The following AP1G1 variants were observed in gnomAD, a reference collection of about 807,000 sequenced individuals.
AP1G1 encodes the protein adaptor related protein complex 1 subunit gamma 1.
In AP1G1, 7 loss-of-function variants were observed where a neutral mutation model predicts 108.3. That is an observed-to-expected ratio of 0.06 (90% confidence interval 0.04 to 0.12). The LOEUF (loss-of-function observed/expected upper bound fraction) is 0.12, where lower values mean the gene tolerates loss of function less well. Among genes scored for constraint, AP1G1 ranks in the 10% least tolerant of loss-of-function variants. The pLI is 1.00. For synonymous variants in AP1G1, 379 were observed against 353.5 expected (o/e 1.07, Z -0.81); for missense variants, 756 against 1,010.7 (o/e 0.75, Z 3.42).
At chr16:71,796,908 G>A (rs373282067) in intron 1 of AP1G1, among the ~76,000 whole-genome samples, 17 of 152,074 alleles carry the variant, frequency 1.1e-4, no homozygotes, top group Admixed American at 9.2e-4. Flanking sequence ...AGTGGCTCAG[G>A]CCTGTAATCC....
At chr16:71,791,900 T>C (rs931009079) in intron 1 of AP1G1, among the ~76,000 whole-genome samples, 1 of 151,864 alleles carries the variant, frequency 6.6e-6, no homozygotes, top group African/African-American at 2.4e-5. Context: ...TAGGTGGTAT[T>C]ACAGGCATGC....
At chr16:71,765,739 T>G (rs1466921315) in intron 6 of AP1G1, 155 bp from the exon 7 acceptor site, 1 of 610,120 alleles carries the variant, frequency 1.6e-6, no homozygotes, top group Non-Finnish European at 3.0e-6. Flanking sequence ...TTTGATAAAC[T>G]TAGGAGTAAC....
Position 71,771,267 on chromosome 16 carries a change from A to G in AP1G1, c.469-15T>C, listed in dbSNP as rs1251870349. ...CACAGTGCTGCCTATGAAAAAAAAAATAAAAGAACAAAAGGTTTATTTCAA... is the reference window on the plus strand; with the variant it reads ...CACAGTGCTGCCTATGAAAAAAAAAGTAAAAGAACAAAAGGTTTATTTCAA... On this transcript the variant is annotated splice_polypyrimidine_tract_variant and intron_variant, in intron 4 of 22. Coordinates refer to ENST00000299980, the MANE Select transcript of AP1G1 (RefSeq NM_001128.6). 56 of 1,469,230 alleles carry G rather than the reference A, an allele frequency of 3.8e-5. No individual in the cohort carries two copies. Among genetic ancestry groups the G allele is most frequent in the Non-Finnish European group, 5.0e-5 (55 of 1,093,558 alleles). 91.0% of individuals were successfully genotyped at this position (1,469,230 alleles called of 1,614,324 possible).
At chr16:71,745,769 A>G (rs2030140784) in intron 17 of AP1G1, among the ~76,000 whole-genome samples, 155 bp from the exon 18 acceptor site, 1 of 152,240 alleles carries the variant, frequency 6.6e-6, no homozygotes, top group Non-Finnish European at 1.5e-5. Context: ...ACAAGAATAC[A>G]TGACCTAAAT....
chr16:71,804,964 T>C (rs190178602), intron 1 of AP1G1, among the ~76,000 whole-genome samples: 10 of 152,130 alleles, frequency 6.6e-5, no homozygotes, highest in African/African-American at 2.2e-4. Flanking sequence ...TGAGCTGAGA[T>C]TGCACCACTG....
intron 22 of AP1G1, 54 bp downstream of exon 22, chr16:71,734,555 C>T (rs917491633): frequency 3.0e-5 from 42 of 1,404,264 alleles, no homozygotes; most frequent in Non-Finnish European, 4.0e-5. Flanking sequence ...AATTTTATTT[C>T]GGGAAATATG....
chr16:71,785,575 C>CAAAAAA (rs71389702), intron 2 of AP1G1, among the ~76,000 whole-genome samples: 2 of 73,130 alleles, frequency 2.7e-5, no homozygotes, highest in Non-Finnish European at 5.1e-5. Context: ...AACCCTGCCT[C>CAAAAAA]AAAAAAAAAA....
intron 2 of AP1G1, among the ~76,000 whole-genome samples, chr16:71,778,910 C>T (rs2145501090): frequency 6.6e-6 from 1 of 152,200 alleles, no homozygotes; most frequent in South Asian, 2.1e-4. Flanking sequence ...CATGCATCTG[C>T]CCCTTAGGTA....
At chr16:71,742,117 C>T (rs1416447004) in intron 19 of AP1G1, among the ~76,000 whole-genome samples, 1 of 151,762 alleles carries the variant, frequency 6.6e-6, no homozygotes, top group Admixed American at 6.6e-5. Context: ...GCAAGAAAAC[C>T]CAGACTTTTT....
In AP1G1 at chr16:71,753,853, T is replaced by C. The variant is rs759730332; in HGVS notation, c.1264A>G (p.Ile422Val). The C allele has an allele frequency of 2.3e-5, 37 of 1,613,996 alleles. No individual in the cohort carries two copies. The South Asian group carries it at 3.7e-4, about 16-fold the overall frequency. ...APSKRWHIDT[I>V]MRVLTTAGSY... ...CTTACCGTTGTCAAAACACGCATAA[T>C]TGTGTCTATATGCCATCGTTTGGAA... The change falls in exon 13 of 23, where the codon ATT (isoleucine) becomes GTT (valine). Residue 422 changes from isoleucine (I) to valine (V), a missense_variant. This residue lies in a region of AP1G1 where 357 missense variants were observed against 366.5 expected (regional missense o/e 0.97). Transcript: ENST00000299980.
chr16:71,771,178 A>T lies in AP1G1; in HGVS notation c.543T>A (p.Asn181Lys). 3.1e-6 allele frequency: 5 copies of T among 1,607,954 alleles called. No homozygotes were observed. The highest frequency in any genetic ancestry group is 4.3e-6 in the Non-Finnish European group (5 of 1,176,044). Residue 181 changes from asparagine (N) to lysine (K), a missense_variant, in exon 5 of 23, where the codon AAT (asparagine) becomes AAA (lysine). By Grantham distance (94) the Asn-to-Lys change is moderately conservative. Coordinates refer to ENST00000299980, the MANE Select transcript of AP1G1 (RefSeq NM_001128.6). ...LMEMFLPATKNLLNEKNHGVL... is the reference protein window; with the variant it reads ...LMEMFLPATKKLLNEKNHGVL... ...TACCATGGTTCTTCTCATTCAATAA[A>T]TTTTTTGTTGCTGGTAAAAACATCT...
intron 12 of AP1G1, 66 bp downstream of exon 12, chr16:71,755,953 T>G: frequency 6.5e-7 from 1 of 1,536,486 alleles, no homozygotes; most frequent in Non-Finnish European, 8.8e-7. Context: ...CCCCTCCCCA[T>G]GTTTTAAAGA....
chr16:71,794,836 T>C lies in AP1G1; in HGVS notation c.-3-5354A>G, dbSNP rs557740249. The stretch of plus-strand genomic sequence containing the variant: ...ACCATTCTCAGGCCATGAGAAGTGC[T>C]TTTTTTTTTTTTTTTTTTTTTTTTT... On this transcript the variant is annotated intron_variant, in intron 1 of 22. Transcript: ENST00000299980. Among the ~76,000 whole-genome samples, 22 of 39,218 alleles carry C rather than the reference T, an allele frequency of 5.6e-4. 1 individual carries two copies. The South Asian group carries it at 7.4e-3, about 13-fold the overall frequency. The allele number at this position is 39,218 out of a possible 152,430, so 25.7% of individuals were successfully genotyped here. A position where few individuals can be genotyped will look rare whatever the true frequency, so the allele number is the denominator to read the frequency against.
intron 19 of AP1G1, among the ~76,000 whole-genome samples, chr16:71,744,214 A>G (rs2030038327): frequency 6.6e-6 from 1 of 152,238 alleles, no homozygotes; most frequent in African/African-American, 2.4e-5. Context: ...ACTGCACTCC[A>G]GCCTGTGCAA....
chr16:71,736,752 A>ATT lies in AP1G1; in HGVS notation c.2269-2047_2269-2046dup, dbSNP rs10590605. Among the ~76,000 whole-genome samples, 5 of 123,916 alleles carry ATT rather than the reference A, an allele frequency of 4.0e-5. 1 individual carries two copies. Among genetic ancestry groups the ATT allele is most frequent in the East Asian group, 2.3e-4 (1 of 4,270 alleles). The allele number at this position is 123,916 out of a possible 152,430, so 81.3% of individuals were successfully genotyped here. A position where few individuals can be genotyped will look rare whatever the true frequency, so the allele number is the denominator to read the frequency against. Reference sequence around the variant, plus strand: ...AGGCGCCCGCCACCACGCCCGGCTAATTTTTTTTTTTTTTTTTTTTTTAGT... The same window carrying ATT: ...AGGCGCCCGCCACCACGCCCGGCTAATTTTTTTTTTTTTTTTTTTTTTTTAGT... On this transcript the variant is annotated intron_variant, in intron 21 of 22. Transcript: ENST00000299980.
At chr16:71,779,260 C>T (rs1039634161) in intron 2 of AP1G1, among the ~76,000 whole-genome samples, 2 of 151,000 alleles carry the variant, frequency 1.3e-5, no homozygotes, top group African/African-American at 4.9e-5. Context: ...CCCCACCCCA[C>T]CCCCGCCAAT....
At chr16:71,757,293 A>C (rs1198648207) in intron 11 of AP1G1, among the ~76,000 whole-genome samples, 1 of 152,078 alleles carries the variant, frequency 6.6e-6, no homozygotes, top group African/African-American at 2.4e-5. Context: ...TCTACTAAAA[A>C]TATAAAAATT....
intron 3 of AP1G1, among the ~76,000 whole-genome samples, chr16:71,773,937 A>G (rs1212006972): frequency 6.6e-6 from 1 of 150,728 alleles, no homozygotes; most frequent in Admixed American, 6.6e-5. Context: ...TAATTTTTGT[A>G]TTTTGTATTT....
intron 1 of AP1G1, among the ~76,000 whole-genome samples, chr16:71,798,218 G>A (rs934309442): frequency 1.3e-5 from 2 of 152,222 alleles, no homozygotes; most frequent in Admixed American, 1.3e-4. Flanking sequence ...GCCAAGGTGG[G>A]AGGATCACTT....
Sources: gnomAD v4.1 joint callset for allele counts (sites outside exome capture counted in the v4.1 genomes callset) on GRCh38, gnomAD v4.1.1 for gene constraint, gnomAD v4.1.1 regional missense constraint, MANE v1.5 for transcripts, NCBI Gene and HGNC (gene_info 2026-07-23, HGNC 2026-07-21) for gene names.